Variants in IQCM observed in about 807,000 individuals in gnomAD.
IQCM encodes IQ domain-containing protein M.
IQCM carries 45 observed loss-of-function variants against 57.6 expected under a neutral mutation model. The observed-to-expected ratio is 0.78, with a 90% CI of 0.62 to 1.00. The LOEUF is 1.00. Among genes scored for constraint, IQCM ranks in the 50% least tolerant of loss-of-function variants. The pLI, the probability that IQCM is intolerant of heterozygous loss-of-function variation, is 0.00. For missense variants in IQCM, 468 were observed against 511.6 expected (o/e 0.91, Z 0.82); for synonymous variants, 148 against 158.9 (o/e 0.93, Z 0.51).
chr4:149,470,025 C>A (rs375845616), intron 12 of IQCM, among the ~76,000 whole-genome samples: 1 of 152,018 alleles, frequency 6.6e-6, no homozygotes, highest in Non-Finnish European at 1.5e-5. Flanking sequence ...AAACATGCCA[C>A]ATTGTAAAGA....
At chr4:149,393,824 C>T (rs1732033340) in intron 13 of IQCM, among the ~76,000 whole-genome samples, 1 of 151,834 alleles carries the variant, frequency 6.6e-6, no homozygotes, top group African/African-American at 2.4e-5. Flanking sequence ...TCAACAGCTG[C>T]TTAAAATTTT....
intron 9 of IQCM, among the ~76,000 whole-genome samples, chr4:149,565,455 T>C (rs1466843185): frequency 6.6e-6 from 1 of 152,208 alleles, no homozygotes; most frequent in Non-Finnish European, 1.5e-5. Context: ...TTCATATTTG[T>C]CTTTCTGTAG....
At chr4:149,698,690 C>A (rs890157966) in intron 5 of IQCM, among the ~76,000 whole-genome samples, 1 of 152,026 alleles carries the variant, frequency 6.6e-6, no homozygotes, top group East Asian at 1.9e-4. Context: ...AATTCAATGT[C>A]TTTATGCTAA....
At chr4:149,464,388 G>T (rs558218140) in intron 12 of IQCM, among the ~76,000 whole-genome samples, 4 of 152,244 alleles carry the variant, frequency 2.6e-5, no homozygotes, top group Admixed American at 2.6e-4. Context: ...TCTTGACAGA[G>T]TATCTTGTAT....
intron 9 of IQCM, among the ~76,000 whole-genome samples, chr4:149,570,467 T>C (rs1561004155): frequency 6.6e-6 from 1 of 152,026 alleles, no homozygotes; most frequent in Non-Finnish European, 1.5e-5. Context: ...AAACACATAT[T>C]GGGAAATTTG....
intron 7 of IQCM, among the ~76,000 whole-genome samples, chr4:149,677,884 T>C (rs1451082295): frequency 6.6e-6 from 1 of 151,904 alleles, no homozygotes; most frequent in African/African-American, 2.4e-5. Flanking sequence ...TAAATATATT[T>C]GCTGAACTGA....
At chr4:149,669,927 T>C (rs182944277) in intron 7 of IQCM, among the ~76,000 whole-genome samples, 5 of 152,318 alleles carry the variant, frequency 3.3e-5, no homozygotes, top group Admixed American at 6.5e-5. Context: ...TCCAGCTTTG[T>C]TCTTTTGGCT....
chr4:149,598,337 A>T (rs17026320), intron 8 of IQCM, among the ~76,000 whole-genome samples: 2,614 of 152,314 alleles, frequency 0.017, 78 homozygotes, highest in African/African-American at 0.06. Flanking sequence ...GTTGTGTGGA[A>T]TAAGAAAGTA....
At chr4:149,727,982 T>A (rs1330479788) in intron 5 of IQCM, among the ~76,000 whole-genome samples, 1 of 152,074 alleles carries the variant, frequency 6.6e-6, no homozygotes, top group Non-Finnish European at 1.5e-5. Flanking sequence ...ATGTTAAGAG[T>A]ATTTACACCA....
At chr4:149,532,871 T>C (rs1415739188) in intron 12 of IQCM, among the ~76,000 whole-genome samples, 1 of 152,094 alleles carries the variant, frequency 6.6e-6, no homozygotes, top group African/African-American at 2.4e-5. Flanking sequence ...ATGTGTAATA[T>C]AATCTCAAGT....
At chr4:149,502,462 G>GT (rs1353712222) in intron 12 of IQCM, among the ~76,000 whole-genome samples, 2 of 152,108 alleles carry the variant, frequency 1.3e-5, no homozygotes, top group South Asian at 2.1e-4. Flanking sequence ...GAGCCCAGGA[G>GT]TTTGAGACCA....
At chr4:149,704,845 A>C (rs1264729607) in intron 5 of IQCM, among the ~76,000 whole-genome samples, 2 of 151,892 alleles carry the variant, frequency 1.3e-5, no homozygotes, top group African/African-American at 4.8e-5. Context: ...TGGATAGGCA[A>C]CTTCAGTCCA....
At chr4:149,663,748 A>T (rs978266496) in intron 7 of IQCM, among the ~76,000 whole-genome samples, 5 of 152,068 alleles carry the variant, frequency 3.3e-5, no homozygotes, top group Admixed American at 1.3e-4. Flanking sequence ...TCTCTCATGC[A>T]GCTTTTAGAA....
intron 2 of IQCM, among the ~76,000 whole-genome samples, chr4:149,751,552 C>T (rs1352490736): frequency 2.0e-5 from 3 of 152,174 alleles, no homozygotes; most frequent in African/African-American, 7.2e-5. Flanking sequence ...CAGCAATTTC[C>T]TTAACCCTCA....
chr4:149,787,471 A>T (rs1222907602), intron 2 of IQCM, among the ~76,000 whole-genome samples: 1 of 152,240 alleles, frequency 6.6e-6, no homozygotes, highest in Non-Finnish European at 1.5e-5. Flanking sequence ...AGAGCATTGT[A>T]TGTGTATAAA....
chr4:149,765,768 A>G (rs1218388086), intron 2 of IQCM, among the ~76,000 whole-genome samples: 1 of 152,094 alleles, frequency 6.6e-6, no homozygotes, highest in African/African-American at 2.4e-5. Context: ...ATTTGCTCCT[A>G]TAGATAACAT....
intron 2 of IQCM, among the ~76,000 whole-genome samples, chr4:149,769,639 A>G (rs1206905009): frequency 1.3e-5 from 2 of 152,080 alleles, no homozygotes; most frequent in Non-Finnish European, 2.9e-5. Flanking sequence ...GAGTAGCTAT[A>G]TTAATATTAA....
intron 12 of IQCM, among the ~76,000 whole-genome samples, chr4:149,534,633 G>A (rs555776226): frequency 2.0e-5 from 3 of 152,136 alleles, no homozygotes; most frequent in Admixed American, 6.6e-5. Context: ...CAGTTTTATG[G>A]TAGGAACATG....
chr4:149,427,093 T>C (rs1223069645), intron 13 of IQCM, among the ~76,000 whole-genome samples: 1 of 151,924 alleles, frequency 6.6e-6, no homozygotes, highest in Non-Finnish European at 1.5e-5. Flanking sequence ...ATGTTCTTCC[T>C]AGATTTTTTG....
Sources: gnomAD v4.1 joint callset for allele counts (sites outside exome capture counted in the v4.1 genomes callset) on GRCh38, gnomAD v4.1.1 for gene constraint, MANE v1.5 for transcripts, NCBI Gene and HGNC (gene_info 2026-07-23, HGNC 2026-07-21) for gene names.